The following CACNB2 variants were observed in gnomAD, a reference collection of about 807,000 sequenced individuals.
CACNB2 encodes the protein calcium voltage-gated channel auxiliary subunit beta 2, also known as voltage-dependent L-type calcium channel subunit beta-2.
A neutral mutation model predicts 73.3 loss-of-function variants in CACNB2; 42 were observed. The observed-to-expected ratio is 0.57, with a 90% CI of 0.45 to 0.74. The LOEUF is 0.74. Among genes scored for constraint, CACNB2 ranks in the 30% least tolerant of loss-of-function variants. CACNB2 has a pLI of 0.00. For missense variants in CACNB2, 940 were observed against 853.0 expected (o/e 1.10, Z -1.27); for synonymous variants, 348 against 310.3 (o/e 1.12, Z -1.28).
chr10:18,496,114 A>G (rs1162944322), intron 3 of CACNB2, among the ~76,000 whole-genome samples: 1 of 147,858 alleles, frequency 6.8e-6, no homozygotes, highest in Non-Finnish European at 1.5e-5. Flanking sequence ...TGAACCTGGA[A>G]GGCAGAGGTT....
intron 1 of CACNB2, among the ~76,000 whole-genome samples, chr10:18,146,259 C>G (rs759919273): frequency 6.7e-6 from 1 of 150,058 alleles, no homozygotes; most frequent in Non-Finnish European, 1.5e-5. Context: ...TCTGGAAATT[C>G]AAAGGGATAA....
At position 18,539,932 on chromosome 10, in the gene CACNB2, G is replaced by T; in HGVS notation, c.*208G>T. ...TGTAAGTGCTACATAAATTGGCCTG[G>T]TATGGCTGCAGTCCTCCGGTTGCAT... On this transcript the variant is annotated 3_prime_UTR_variant, in exon 14 of 14. Transcript: ENST00000324631. 1.7e-6 allele frequency: 1 copy of T among 583,088 alleles called. No individual in the cohort carries two copies. Among genetic ancestry groups the T allele is most frequent in the South Asian group, 2.1e-5 (1 of 47,742 alleles). 36.1% of individuals were successfully genotyped at this position (583,088 alleles called of 1,614,324 possible).
At chr10:18,426,739 T>C (rs141208577) in intron 3 of CACNB2, among the ~76,000 whole-genome samples, 1 of 152,280 alleles carries the variant, frequency 6.6e-6, no homozygotes, top group African/African-American at 2.4e-5. Flanking sequence ...TTTTAACTTT[T>C]CAATTATTTT....
At chr10:18,466,289 G>A (rs1217070865) in intron 3 of CACNB2, among the ~76,000 whole-genome samples, 2 of 152,128 alleles carry the variant, frequency 1.3e-5, no homozygotes, top group Non-Finnish European at 2.9e-5. Flanking sequence ...AGCCTAGAGT[G>A]CAGTGACATG....
Position 18,462,743 on chromosome 10 carries a change from G to A in CACNB2, c.334-35612G>A, listed in dbSNP as rs189152380. 3.4e-3 allele frequency among the ~76,000 whole-genome samples: 519 copies of A among 151,360 alleles called. 2 individuals carry two copies. Among genetic ancestry groups the A allele is most frequent in the African/African-American group, 0.012 (503 of 41,302 alleles). ...TTAGTATTTTATATTTTTTACTTAC[G>A]TATTTTATTTTTTATTTTTATTTAT... On this transcript the variant is annotated intron_variant, in intron 3 of 13. Coordinates refer to ENST00000324631, the MANE Select transcript of CACNB2 (RefSeq NM_201596.3).
At chr10:18,442,082 A>G (rs1247314479) in intron 3 of CACNB2, among the ~76,000 whole-genome samples, 3 of 152,190 alleles carry the variant, frequency 2.0e-5, no homozygotes, top group African/African-American at 7.2e-5. Flanking sequence ...AGGTGGACAT[A>G]CCAAGACAGG....
rs112126131 is a variant in CACNB2 at position 18,498,462 on chromosome 10, T to C, written c.441T>C (p.Phe147=). 3.1e-6 allele frequency: 5 copies of C among 1,614,014 alleles called. No individual in the cohort carries two copies. The African/African-American group carries it at 6.7e-5, about 22-fold the overall frequency. ...CCATCTCATTCGAAGCAAAAGATTT[T>C]CTGCATGTTAAGGAAGTAAGGAGAA... The part of the protein sequence containing the change: ...GMAISFEAKD[F]LHVKEKFNND... Residue 147 remains phenylalanine (F), a synonymous_variant, in exon 4 of 14, where the codon TTT becomes TTC. Transcript: ENST00000324631.
chr10:18,214,103 C>A (rs992088229), intron 2 of CACNB2, among the ~76,000 whole-genome samples: 2 of 151,992 alleles, frequency 1.3e-5, no homozygotes, highest in African/African-American at 4.8e-5. Context: ...CAACTGGAGG[C>A]AGGGGGGCAG....
intron 2 of CACNB2, among the ~76,000 whole-genome samples, chr10:18,349,783 A>G (rs947108398): frequency 6.6e-6 from 1 of 152,146 alleles, no homozygotes. Flanking sequence ...AATAATGTGA[A>G]TGTATTCAAT....
At chr10:18,451,579 T>C (rs1470534566) in intron 3 of CACNB2, among the ~76,000 whole-genome samples, 1 of 152,236 alleles carries the variant, frequency 6.6e-6, no homozygotes, top group Non-Finnish European at 1.5e-5. Flanking sequence ...GTTTTTCCGA[T>C]AAACACATTT....
chr10:18,445,174 C>G (rs1435218112), intron 3 of CACNB2, among the ~76,000 whole-genome samples: 1 of 151,970 alleles, frequency 6.6e-6, no homozygotes. Flanking sequence ...TTTTTCAGTT[C>G]ATTATTAAAG....
intron 2 of CACNB2, among the ~76,000 whole-genome samples, chr10:18,272,265 C>A (rs766423983): frequency 6.6e-5 from 10 of 152,120 alleles, no homozygotes; most frequent in East Asian, 5.8e-4. Flanking sequence ...TTCTTAATGA[C>A]TTTCAAGGCT....
intron 2 of CACNB2, among the ~76,000 whole-genome samples, chr10:18,360,710 A>G (rs2042107116): frequency 6.6e-6 from 1 of 152,178 alleles, no homozygotes; most frequent in African/African-American, 2.4e-5. Context: ...GAGTGAGGAG[A>G]GCAGGCTCCA....
chr10:18,180,326 A>T (rs1324932366), intron 2 of CACNB2, among the ~76,000 whole-genome samples: 1 of 152,154 alleles, frequency 6.6e-6, no homozygotes, highest in East Asian at 1.9e-4. Flanking sequence ...AGACTATTCG[A>T]TCCATTGCAC....
intron 3 of CACNB2, among the ~76,000 whole-genome samples, chr10:18,435,746 C>T (rs186792728): frequency 1.8e-4 from 27 of 152,232 alleles, no homozygotes; most frequent in Middle Eastern, 6.8e-3. Context: ...GGGATCCATC[C>T]GCCTTGGCCT....
intron 3 of CACNB2, among the ~76,000 whole-genome samples, chr10:18,402,650 G>C (rs1244696554): frequency 5.3e-5 from 8 of 152,190 alleles, no homozygotes; most frequent in Admixed American, 5.2e-4. Flanking sequence ...CTATGAAATA[G>C]ATAGTTACAG....
intron 2 of CACNB2, chr10:18,262,090 T>C (rs2037574028): frequency 2.0e-6 from 1 of 506,266 alleles, no homozygotes; most frequent in Non-Finnish European, 3.9e-6. Flanking sequence ...TTATGCAGGC[T>C]GGGCAAACTG....
intron 2 of CACNB2, among the ~76,000 whole-genome samples, chr10:18,167,559 C>A (rs2032939750): frequency 6.6e-6 from 1 of 152,122 alleles, no homozygotes; most frequent in Non-Finnish European, 1.5e-5. Context: ...GGCTATTCAA[C>A]CTTGCATCTC....
At chr10:18,478,675 C>T (rs2048564481) in intron 3 of CACNB2, among the ~76,000 whole-genome samples, 1 of 152,200 alleles carries the variant, frequency 6.6e-6, no homozygotes, top group Non-Finnish European at 1.5e-5. Flanking sequence ...GAAGCTTATA[C>T]AGCATCCTGG....
Sources: gnomAD v4.1 joint callset for allele counts (sites outside exome capture counted in the v4.1 genomes callset) on GRCh38, gnomAD v4.1.1 for gene constraint, MANE v1.5 for transcripts, NCBI Gene and HGNC (gene_info 2026-07-23, HGNC 2026-07-21) for gene names.